The following PEAR1 variants were observed in gnomAD, a reference collection of about 807,000 sequenced individuals.
PEAR1 encodes platelet endothelial aggregation receptor 1, also known as multiple EGF-like domains protein 12.
A neutral mutation model predicts 131.2 loss-of-function variants in PEAR1; 113 were observed. That is an observed-to-expected ratio of 0.86 (90% CI 0.74 to 1.01). PEAR1 has a LOEUF of 1.01. PEAR1 is among the 50% of genes least tolerant of loss of function. The pLI, the probability that PEAR1 is intolerant of heterozygous loss-of-function variation, is 0.00. For missense variants in PEAR1, 1,408 were observed against 1,391.1 expected (o/e 1.01, Z -0.19); for synonymous variants, 565 against 523.3 (o/e 1.08, Z -1.09).
chr1:156,907,863 C>T lies in PEAR1; in HGVS notation c.766-52C>T, dbSNP rs992076958. 6 of 1,593,856 alleles carry T rather than the reference C, an allele frequency of 3.8e-6. No individual in the cohort carries two copies. In the African/African-American group the frequency reaches 6.7e-5, roughly 18 times the overall value. On this transcript the variant is annotated intron_variant, in intron 7 of 22. Transcript: ENST00000292357. ...TGGGGGTGTCAAGGGGTCCTGTGGC[C>T]TTGGGGAGGAGGCTGGGTGCCTGGG...
At position 156,908,540 on chromosome 1, in the gene PEAR1, T is replaced by TA; in HGVS notation, c.1116-114dup. 3 of 1,230,844 alleles carry TA rather than the reference T, an allele frequency of 2.4e-6. No individual in the cohort carries two copies. The South Asian group carries it at 4.7e-5, about 19-fold the overall frequency. The allele number at this position is 1,230,844 out of a possible 1,614,324, so 76.2% of individuals were successfully genotyped here. A position where few individuals can be genotyped will look rare whatever the true frequency, so the allele number is the denominator to read the frequency against. ...TTTTCAGAATAGCGCGGAGCCTCCCTAGTGACCCCCTTACCCCAGCGATGT... is the reference window on the plus strand; with the variant it reads ...TTTTCAGAATAGCGCGGAGCCTCCCTAAGTGACCCCCTTACCCCAGCGATGT... On this transcript the variant is annotated intron_variant, in intron 9 of 22. Transcript: ENST00000292357. The surrounding 1 kb of genome is among the most constrained non-coding windows in gnomAD (Gnocchi z 4.2).
At chr1:156,903,812 C>T (rs377347368) in intron 1 of PEAR1, 106 bp from the exon 2 acceptor site, 16 of 877,042 alleles carry the variant, frequency 1.8e-5, no homozygotes, top group East Asian at 7.3e-5. Flanking sequence ...GACACGGGGC[C>T]GCAGTCTGGT....
At chr1:156,906,239 G>T in intron 4 of PEAR1, 37 bp from the exon 5 acceptor site, 1 of 1,585,706 alleles carries the variant, frequency 6.3e-7, no homozygotes, top group South Asian at 1.1e-5. Flanking sequence ...GTAGGGGCAG[G>T]GGTGGACACA....
intron 1 of PEAR1, among the ~76,000 whole-genome samples, chr1:156,899,857 T>C (rs1649509725): frequency 6.6e-6 from 1 of 152,124 alleles, no homozygotes; most frequent in Admixed American, 6.5e-5. Context: ...TATCCTATGC[T>C]ACATGACTTC....
At chr1:156,895,547 G>T (rs183562227) in intron 1 of PEAR1, among the ~76,000 whole-genome samples, 21 of 152,296 alleles carry the variant, frequency 1.4e-4, no homozygotes, top group Admixed American at 1.3e-3. Context: ...GAGAAGACAG[G>T]GAAGGAGAGA....
At chr1:156,910,469 G>A (rs1275938110) in intron 14 of PEAR1, 89 bp downstream of exon 14, 10 of 1,539,236 alleles carry the variant, frequency 6.5e-6, no homozygotes, top group Non-Finnish European at 8.8e-6. Flanking sequence ...CGCGCCCGCC[G>A]CCCACCTCTC....
At chr1:156,913,800 G>GGCTGCACA (rs749616319) in intron 21 of PEAR1, 40 bp downstream of exon 21, 56 of 1,611,968 alleles carry the variant, frequency 3.5e-5, no homozygotes, top group Non-Finnish European at 4.3e-5. Context: ...GCTGAGCTGG[G>GGCTGCACA]GCTGAGGAAC....
chr1:156,901,280 G>A (rs1649655746), intron 1 of PEAR1, among the ~76,000 whole-genome samples: 1 of 152,178 alleles, frequency 6.6e-6, no homozygotes, highest in Non-Finnish European at 1.5e-5. Context: ...AAGTGGGTGG[G>A]GATGAGAGTC....
In PEAR1 at chr1:156,912,535, T is replaced by C. The variant is rs762031077; in HGVS notation, c.2122T>C (p.Cys708Arg). ...GTFGANCSQP[C>R]QCGPGEKCHP... ...ATTTGGTGCTAACTGCTCCCAGCCA[T>C]GCCAGTGTGGTCCTGGAGAAAAGTG... Residue 708 changes from cysteine (C) to arginine (R), a missense_variant, in exon 17 of 23, where the codon TGC (cysteine) becomes CGC (arginine). By Grantham distance (180) the Cys-to-Arg change is radical. Coordinates refer to ENST00000292357, the MANE Select transcript of PEAR1 (RefSeq NM_001080471.3). The C allele has an allele frequency of 1.2e-6, 2 of 1,614,050 alleles. No individual in the cohort carries two copies. Among genetic ancestry groups the C allele is most frequent in the Admixed American group, 1.7e-5 (1 of 60,022 alleles).
chr1:156,911,037 T>TTTCCTTTC (rs1651014108), intron 15 of PEAR1, among the ~76,000 whole-genome samples: 1 of 113,274 alleles, frequency 8.8e-6, no homozygotes. Context: ...CTTGATTTCT[T>TTTCCTTTC]TTTCTTTCTT....
chr1:156,912,693 C>T (rs1558147424), intron 17 of PEAR1, 71 bp downstream of exon 17: 3 of 1,610,542 alleles, frequency 1.9e-6, no homozygotes, highest in East Asian at 2.2e-5. Flanking sequence ...TCATACAGTC[C>T]CTACTTCCCT....
At position 156,909,056 on chromosome 1, in the gene PEAR1, C is replaced by A; in HGVS notation, c.1411+20C>A. 6.2e-7 allele frequency: 1 copy of A among 1,613,356 alleles called. No homozygotes were observed. Among genetic ancestry groups the A allele is most frequent in the South Asian group, 1.1e-5 (1 of 90,940 alleles). ...AGGAAGGTAATAGGGTGGAGTTTCCCAGAGAGAAGACTTGGGGGATGGCCA... is the reference window on the plus strand; with the variant it reads ...AGGAAGGTAATAGGGTGGAGTTTCCAAGAGAGAAGACTTGGGGGATGGCCA... On this transcript the variant is annotated intron_variant, in intron 11 of 22. Coordinates refer to ENST00000292357, the MANE Select transcript of PEAR1 (RefSeq NM_001080471.3).
chr1:156,894,100 T>A (rs1648922190), intron 1 of PEAR1, among the ~76,000 whole-genome samples: 1 of 152,132 alleles, frequency 6.6e-6, no homozygotes, highest in South Asian at 2.1e-4. Context: ...CTAGCGAGGT[T>A]GTTCCCTAAG....
chr1:156,912,796 C>G lies in PEAR1; in HGVS notation c.2236C>G (p.Pro746Ala). 1.9e-6 allele frequency: 3 copies of G among 1,614,198 alleles called. No homozygotes were observed. Among genetic ancestry groups the G allele is most frequent in the Non-Finnish European group, 2.5e-6 (3 of 1,180,018 alleles). ...IGIQEPFTVM[P>A]TTPVAYNSLG... is the part of the protein sequence containing the mutation. ...AATCCAGGAGCCCTTTACTGTGATG[C>G]CGACCACTCCAGTAGCGTATAACTC... is the stretch of plus-strand genomic sequence containing the variant. Residue 746 changes from proline to alanine, a missense_variant, in exon 18 of 23, where the codon CCG becomes GCG. Coordinates refer to ENST00000292357, the MANE Select transcript of PEAR1 (RefSeq NM_001080471.3).
rs1485675490 is a variant in PEAR1, at chr1:156,914,846, T to C, written c.*48T>C. 6.2e-7 allele frequency: 1 copy of C among 1,604,694 alleles called. No homozygotes were observed. The highest frequency in any genetic ancestry group is 8.5e-7 in the Non-Finnish European group (1 of 1,174,524). ...GGCCAGCACACCTGGCTGTTGCTGC[T>C]CAAGGCTGGGGACAGAGCCTAGTGT... On this transcript the variant is annotated 3_prime_UTR_variant, in exon 23 of 23. Transcript: ENST00000292357.
chr1:156,905,224 A>T lies in PEAR1; in HGVS notation c.207-100A>T, dbSNP rs574339307. On this transcript the variant is annotated intron_variant, in intron 3 of 22. Transcript: ENST00000292357. ...TGCGCTTTCTATGCGCCCTCAGCCC[A>T]GAGTGTTGAGTGGTGCCCCTTCCCT... 4,487 of 1,287,346 alleles carry T rather than the reference A, an allele frequency of 3.5e-3. 13 individuals carry two copies. Among genetic ancestry groups the T allele is most frequent in the Middle Eastern group, 0.015 (65 of 4,390 alleles). The allele number at this position is 1,287,346 out of a possible 1,614,324, so 79.7% of individuals were successfully genotyped here.
In PEAR1 at chr1:156,912,280, C is replaced by T; in HGVS notation, c.1985C>T (p.Ala662Val). The change falls in exon 16 of 23, where the codon GCC (alanine) becomes GTC (valine). Residue 662 changes from alanine (A) to valine (V), a missense_variant. Ala to Val is a moderately conservative substitution (Grantham distance 64, BLOSUM62 0). Transcript: ENST00000292357. Reference sequence around the variant, plus strand: ...CCAGGACACTGGGGAGAAAACTGTGCCCAGACCTGCCAATGTCACCATGGT... The same window carrying T: ...CCAGGACACTGGGGAGAAAACTGTGTCCAGACCTGCCAATGTCACCATGGT... ...CPPGHWGENC[A>V]QTCQCHHGGT... The T allele has an allele frequency of 6.2e-7, 1 of 1,613,856 alleles. No homozygotes were observed. Among genetic ancestry groups the T allele is most frequent in the Non-Finnish European group, 8.5e-7 (1 of 1,179,966 alleles).
Position 156,903,212 on chromosome 1 carries a change from A to T in PEAR1, c.-9-706A>T, listed in dbSNP as rs572362827. Among the ~76,000 whole-genome samples, 3 of 152,172 alleles carry T rather than the reference A, an allele frequency of 2.0e-5. No homozygotes were observed. In the East Asian group the frequency reaches 5.8e-4, roughly 29 times the overall value. Reference sequence around the variant, plus strand: ...CCAGCACACCACTGGTTGGGAGGTCACCTGGACCCAGCCCCACTCCCACCA... The same window carrying T: ...CCAGCACACCACTGGTTGGGAGGTCTCCTGGACCCAGCCCCACTCCCACCA... On this transcript the variant is annotated intron_variant, in intron 1 of 22. Transcript: ENST00000292357.
chr1:156,910,215 C>T lies in PEAR1; in HGVS notation c.1679-19C>T, dbSNP rs375544409. The T allele has an allele frequency of 8.7e-6, 14 of 1,609,590 alleles. No homozygotes were observed. The African/African-American group carries it at 9.4e-5, about 11-fold the overall frequency. On this transcript the variant is annotated intron_variant, in intron 13 of 22. Transcript: ENST00000292357. ...TGAAGGGGGCCCAGCCAGGCACACCCGACTGCTGTCTCCCACAGGTGCCCG... is the reference window on the plus strand; with the variant it reads ...TGAAGGGGGCCCAGCCAGGCACACCTGACTGCTGTCTCCCACAGGTGCCCG...
Sources: gnomAD v4.1 joint callset for allele counts (sites outside exome capture counted in the v4.1 genomes callset) on GRCh38, gnomAD v4.1.1 for gene constraint, Gnocchi (gnomAD v3.1) non-coding constraint, MANE v1.5 for transcripts, NCBI Gene and HGNC (gene_info 2026-07-23, HGNC 2026-07-21) for gene names.